Variants in ACAP2 observed in about 807,000 individuals in gnomAD.
The protein encoded by ACAP2 is arf-GAP with coiled-coil, ANK repeat and PH domain-containing protein 2.
A neutral mutation model predicts 115.8 loss-of-function variants in ACAP2; 39 were observed. That is an observed-to-expected ratio of 0.34 (90% CI 0.26 to 0.44). The LOEUF is 0.44. ACAP2 is among the 20% of genes least tolerant of loss of function. The pLI is 1.00. For synonymous variants in ACAP2, 289 were observed against 315.8 expected (o/e 0.92, Z 0.90); for missense variants, 662 against 927.6 (o/e 0.71, Z 3.72).
intron 6 of ACAP2, among the ~76,000 whole-genome samples, chr3:195,339,420 T>G (rs1730726995): frequency 6.6e-6 from 1 of 151,196 alleles, no homozygotes. Flanking sequence ...TTTGAAAAAA[T>G]TAAGTGCTAT....
chr3:195,294,603 AAAAAATTAT>A (rs1189481374), intron 18 of ACAP2, 107 bp downstream of exon 18: 40 of 78,412 alleles, frequency 5.1e-4, no homozygotes, highest in African/African-American at 1.1e-3. Context: ...AAAAAAAAAA[AAAAAATTAT>A]ATATATATAT....
chr3:195,370,796 C>CA (rs1733077747), intron 4 of ACAP2, among the ~76,000 whole-genome samples: 1 of 151,884 alleles, frequency 6.6e-6, no homozygotes, highest in Non-Finnish European at 1.5e-5. Context: ...ACTAAAAATA[C>CA]AAAAAATTAG....
intron 4 of ACAP2, among the ~76,000 whole-genome samples, chr3:195,369,420 C>T (rs193173183): frequency 2.2e-4 from 33 of 152,254 alleles, no homozygotes; most frequent in Non-Finnish European, 3.1e-4. Context: ...CTCCCTCCTC[C>T]CACCCTCCAC....
intron 1 of ACAP2, among the ~76,000 whole-genome samples, chr3:195,412,483 G>A (rs1316165843): frequency 6.6e-6 from 1 of 151,928 alleles, no homozygotes; most frequent in Non-Finnish European, 1.5e-5. Context: ...GTGGTGGCAG[G>A]TGCCTGTAGT....
intron 1 of ACAP2, among the ~76,000 whole-genome samples, chr3:195,414,581 G>C (rs777304957): frequency 1.3e-5 from 2 of 152,174 alleles, no homozygotes; most frequent in Non-Finnish European, 2.9e-5. Flanking sequence ...CCAGACAACA[G>C]AGTATCATTC....
intron 13 of ACAP2, among the ~76,000 whole-genome samples, chr3:195,303,306 G>A (rs1021938783): frequency 3.7e-4 from 56 of 152,214 alleles, no homozygotes; most frequent in Admixed American, 3.3e-3. Context: ...CTACTCAGAA[G>A]GCTGAGGCAT....
intron 17 of ACAP2, chr3:195,295,239 A>G (rs1727563811): frequency 7.7e-7 from 1 of 1,291,208 alleles, no homozygotes; most frequent in Non-Finnish European, 1.0e-6. Flanking sequence ...AGAAGAGTGA[A>G]TCTAGCTCAT....
At chr3:195,391,603 C>T (rs1734681365) in intron 2 of ACAP2, among the ~76,000 whole-genome samples, 1 of 152,118 alleles carries the variant, frequency 6.6e-6, no homozygotes, top group African/African-American at 2.4e-5. Flanking sequence ...CCTGCTCTGG[C>T]ACTTAGATTA....
At chr3:195,329,510 A>C (rs1212569861) in intron 8 of ACAP2, among the ~76,000 whole-genome samples, 1 of 152,198 alleles carries the variant, frequency 6.6e-6, no homozygotes, top group Non-Finnish European at 1.5e-5. Context: ...ATTCTACCTT[A>C]ATAAAACTGC....
chr3:195,291,734 G>GC lies in ACAP2; in HGVS notation c.2034dup (p.His679AlafsTer26). Reference sequence around the variant, plus strand: ...GTGTGCCCTAAGACGGTGGCATGGTGCAATGGTCCCCGCCCTTGGACATCT... The same window carrying GC: ...GTGTGCCCTAAGACGGTGGCATGGTGCCAATGGTCCCCGCCCTTGGACATCT... On this transcript the variant is annotated frameshift_variant, in exon 20 of 23. Transcript: ENST00000326793. LOFTEE classifies it high-confidence loss of function. The GC allele has an allele frequency of 6.2e-7, 1 of 1,614,058 alleles. No individual in the cohort carries two copies. Among genetic ancestry groups the GC allele is most frequent in the Non-Finnish European group, 8.5e-7 (1 of 1,179,982 alleles).
intron 4 of ACAP2, among the ~76,000 whole-genome samples, chr3:195,357,382 G>A (rs566707424): frequency 2.0e-5 from 3 of 152,264 alleles, no homozygotes; most frequent in East Asian, 3.9e-4. Flanking sequence ...TCCGGAGCCT[G>A]GAGCCCAGAG....
intron 5 of ACAP2, 37 bp from the exon 6 acceptor site, chr3:195,342,691 T>G: frequency 6.5e-7 from 1 of 1,540,958 alleles, no homozygotes; most frequent in Middle Eastern, 1.9e-4. Flanking sequence ...TTTTATAACT[T>G]GCTTCATTAA....
At chr3:195,317,661 C>G (rs1729184372) in intron 10 of ACAP2, among the ~76,000 whole-genome samples, 1 of 152,056 alleles carries the variant, frequency 6.6e-6, no homozygotes, top group African/African-American at 2.4e-5. Flanking sequence ...ATTCTTTTAA[C>G]AGACATTTAA....
intron 4 of ACAP2, among the ~76,000 whole-genome samples, chr3:195,376,443 T>A (rs1469122266): frequency 6.6e-6 from 1 of 151,722 alleles, no homozygotes; most frequent in African/African-American, 2.4e-5. Context: ...ATAATACTCC[T>A]GAGGAAGGAG....
In ACAP2 at chr3:195,434,122, T is replaced by C. The variant is rs191880848; in HGVS notation, c.53+8673A>G. On this transcript the variant is annotated intron_variant, in intron 1 of 22. Transcript: ENST00000326793. ...TTTTAATTTTTTTATAGAGACAAGG[T>C]CTCACTATGTTGCCCAGACTGATCT... Among the ~76,000 whole-genome samples, 6 of 152,274 alleles carry C rather than the reference T, an allele frequency of 3.9e-5. No homozygotes were observed. In the East Asian group the frequency reaches 9.7e-4, roughly 25 times the overall value.
chr3:195,311,084 GT>G (rs1326890111), intron 10 of ACAP2, among the ~76,000 whole-genome samples: 3 of 122,580 alleles, frequency 2.4e-5, no homozygotes, highest in Non-Finnish European at 4.9e-5. Context: ...TTTCATTGTG[GT>G]TTTTTTGTTT....
chr3:195,323,479 T>C (rs1429674289), intron 9 of ACAP2, among the ~76,000 whole-genome samples: 2 of 151,978 alleles, frequency 1.3e-5, no homozygotes, highest in South Asian at 2.1e-4. Flanking sequence ...TAACAAAAGA[T>C]GTACAAGAAA....
intron 9 of ACAP2, among the ~76,000 whole-genome samples, chr3:195,321,757 C>T (rs1729470422): frequency 2.0e-5 from 3 of 151,738 alleles, no homozygotes; most frequent in South Asian, 2.1e-4. Flanking sequence ...GGACTACAGA[C>T]GTTTGCCACC....
intron 4 of ACAP2, among the ~76,000 whole-genome samples, chr3:195,363,755 G>A (rs1390770491): frequency 6.6e-6 from 1 of 151,970 alleles, no homozygotes; most frequent in Non-Finnish European, 1.5e-5. Context: ...CATGGCACTG[G>A]CATAGAAACA....
Sources: allele counts gnomAD v4.1 joint callset (sites outside exome capture counted in the v4.1 genomes callset), GRCh38; gene constraint gnomAD v4.1.1; transcripts MANE v1.5; gene names NCBI Gene and HGNC (gene_info 2026-07-23, HGNC 2026-07-21).